Variants in DISP1 observed in about 807,000 individuals in gnomAD.
DISP1 encodes protein dispatched homolog 1.
In DISP1, 30 loss-of-function variants were observed where a neutral mutation model predicts 37.3. That is an observed-to-expected ratio of 0.80 (90% CI 0.60 to 1.09). The LOEUF (loss-of-function observed/expected upper bound fraction) is 1.09. Ranked by LOEUF, DISP1 falls within the 50% of genes least tolerant of loss-of-function variation. DISP1 has a pLI of 0.00. For missense variants in DISP1, 1,598 were observed against 1,879.5 expected (o/e 0.85, Z 2.77); for synonymous variants, 634 against 690.2 (o/e 0.92, Z 1.28).
chr1:222,833,959 A>G (rs1278875421), intron 1 of DISP1, among the ~76,000 whole-genome samples: 1 of 152,228 alleles, frequency 6.6e-6, no homozygotes, highest in Non-Finnish European at 1.5e-5. Flanking sequence ...AAAATTCTAA[A>G]GAGCTATTTA....
chr1:222,984,325 T>C (rs1314591491), intron 4 of DISP1, among the ~76,000 whole-genome samples: 1 of 149,428 alleles, frequency 6.7e-6, no homozygotes, highest in Non-Finnish European at 1.5e-5. Flanking sequence ...GAGGACCTCT[T>C]GAGCTTAGGA....
intron 3 of DISP1, among the ~76,000 whole-genome samples, chr1:222,975,191 A>C (rs993458693): frequency 7.9e-5 from 12 of 151,812 alleles, no homozygotes; most frequent in African/African-American, 2.9e-4. Context: ...ACCCCAGCTA[A>C]TTTTTTTATT....
chr1:222,878,474 C>CT (rs1670094443), intron 1 of DISP1, among the ~76,000 whole-genome samples: 1 of 151,958 alleles, frequency 6.6e-6, no homozygotes. Flanking sequence ...TATTAAATTC[C>CT]TTTTTTAACA....
At chr1:222,948,407 T>C (rs1674953370) in intron 3 of DISP1, among the ~76,000 whole-genome samples, 1 of 152,240 alleles carries the variant, frequency 6.6e-6, no homozygotes, top group African/African-American at 2.4e-5. Context: ...TGCTCTTCGA[T>C]AGAGCTGCTA....
intron 1 of DISP1, among the ~76,000 whole-genome samples, chr1:222,879,535 T>C (rs1348427870): frequency 6.6e-6 from 1 of 152,206 alleles, no homozygotes; most frequent in Non-Finnish European, 1.5e-5. Flanking sequence ...ATTTTCTATT[T>C]GAATAAAATG....
At chr1:222,944,054 C>A (rs925475819) in intron 3 of DISP1, among the ~76,000 whole-genome samples, 34 of 151,610 alleles carry the variant, frequency 2.2e-4, no homozygotes, top group African/African-American at 6.5e-4. Context: ...ACAACAACAA[C>A]AACAAAAAAA....
chr1:222,894,554 A>AG, intron 1 of DISP1, among the ~76,000 whole-genome samples: 1 of 152,348 alleles, frequency 6.6e-6, no homozygotes, highest in Middle Eastern at 3.4e-3. Flanking sequence ...AGCAGGGAGC[A>AG]GGGGGAGGCC....
chr1:222,976,721 A>C (rs1677360225), intron 3 of DISP1, among the ~76,000 whole-genome samples: 1 of 152,128 alleles, frequency 6.6e-6, no homozygotes, highest in South Asian at 2.1e-4. Context: ...TTAAAAGAAA[A>C]AGTTAGTGGC....
chr1:222,883,709 G>T (rs1670410465), intron 1 of DISP1, among the ~76,000 whole-genome samples: 1 of 152,224 alleles, frequency 6.6e-6, no homozygotes, highest in African/African-American at 2.4e-5. Flanking sequence ...CATATTGTTA[G>T]TTATACACAT....
intron 3 of DISP1, among the ~76,000 whole-genome samples, chr1:222,957,843 C>A (rs1369123792): frequency 6.6e-6 from 1 of 152,102 alleles, no homozygotes; most frequent in East Asian, 1.9e-4. Flanking sequence ...TAGGACCAGG[C>A]TATAGTAAGA....
chr1:222,990,842 C>A (rs932030320), intron 5 of DISP1, 94 bp downstream of exon 5: 1 of 1,490,106 alleles, frequency 6.7e-7, no homozygotes, highest in African/African-American at 1.4e-5. Context: ...TAACCCATTT[C>A]TTTAAAAACC....
rs1172285171 is a variant in DISP1, at chr1:222,938,279, C to T, written c.-17-4528C>T. On this transcript the variant is annotated intron_variant, in intron 2 of 8. Coordinates refer to ENST00000675850, the MANE Select transcript of DISP1 (RefSeq NM_001377229.1). ...CTGCATTCATAATCATATACCATTACACTTATCACAATAGTTTGACAAATG... is the reference window on the plus strand; with the variant it reads ...CTGCATTCATAATCATATACCATTATACTTATCACAATAGTTTGACAAATG... Among the ~76,000 whole-genome samples, 11 of 152,208 alleles carry T rather than the reference C, an allele frequency of 7.2e-5. No homozygotes were observed. In the East Asian group the frequency reaches 1.9e-3, roughly 27 times the overall value.
chr1:222,874,164 C>A (rs1669793542), intron 1 of DISP1, among the ~76,000 whole-genome samples: 1 of 152,194 alleles, frequency 6.6e-6, no homozygotes, highest in Non-Finnish European at 1.5e-5. Flanking sequence ...TGATGGGCTT[C>A]CCTTTGTGGG....
intron 1 of DISP1, among the ~76,000 whole-genome samples, chr1:222,821,367 C>T (rs1319797782): frequency 6.6e-6 from 1 of 152,180 alleles, no homozygotes; most frequent in Non-Finnish European, 1.5e-5. Context: ...TAATTGGTTA[C>T]AAAAGACATT....
chr1:222,910,089 C>T (rs1047313985), intron 1 of DISP1, among the ~76,000 whole-genome samples: 3 of 152,116 alleles, frequency 2.0e-5, no homozygotes, highest in African/African-American at 7.2e-5. Context: ...ATGAGGCTGG[C>T]GCGGTGGCTC....
At chr1:222,946,549 A>G (rs1456045978) in intron 3 of DISP1, among the ~76,000 whole-genome samples, 1 of 152,200 alleles carries the variant, frequency 6.6e-6, no homozygotes, top group Non-Finnish European at 1.5e-5. Context: ...ATTTACTTAT[A>G]TAATCCACAA....
intron 1 of DISP1, among the ~76,000 whole-genome samples, chr1:222,857,200 A>G (rs1379615688): frequency 6.6e-6 from 1 of 152,176 alleles, no homozygotes; most frequent in Non-Finnish European, 1.5e-5. Flanking sequence ...AGGCTGTAGT[A>G]TACCATGATT....
Position 222,895,660 on chromosome 1 carries a change from A to G in DISP1, c.-158-32770A>G, listed in dbSNP as rs528122480. ...AGAGTCCTGAAAGACTCACACATAC[A>G]TGGCCGGCTGATTTTTCAGCAAAGG... On this transcript the variant is annotated intron_variant, in intron 1 of 8. Coordinates refer to ENST00000675850, the MANE Select transcript of DISP1 (RefSeq NM_001377229.1). Among the ~76,000 whole-genome samples the G allele has an allele frequency of 2.0e-5, 3 of 152,344 alleles. No individual in the cohort carries two copies. In the East Asian group the frequency reaches 5.8e-4, roughly 29 times the overall value.
At chr1:222,964,472 C>T (rs182614156) in intron 3 of DISP1, among the ~76,000 whole-genome samples, 24 of 151,398 alleles carry the variant, frequency 1.6e-4, no homozygotes, top group Admixed American at 1.1e-3. Context: ...CTTTTTTTTT[C>T]GTTTCAGTAA....
Sources: allele counts gnomAD v4.1 joint callset (sites outside exome capture counted in the v4.1 genomes callset), GRCh38; gene constraint gnomAD v4.1.1; transcripts MANE v1.5; gene names NCBI Gene and HGNC (gene_info 2026-07-23, HGNC 2026-07-21).